The following NEDD9 variants were observed in gnomAD, a reference collection of about 807,000 sequenced individuals.
The protein encoded by NEDD9 is enhancer of filamentation 1.
NEDD9 carries 26 observed loss-of-function variants against 76.6 expected under a neutral mutation model. The ratio of observed to expected loss-of-function variants is 0.34; its 90% CI spans 0.25 to 0.47. NEDD9 has a LOEUF of 0.47. Ranked by LOEUF, NEDD9 falls within the 20% of genes least tolerant of loss-of-function variation. NEDD9 has a pLI of 1.00. For missense variants in NEDD9, 937 were observed against 1,058.5 expected, an observed-to-expected ratio of 0.89 and a Z score of 1.59; for synonymous variants, 392 against 414.2, an observed-to-expected ratio of 0.95 and a Z score of 0.65.
intron 1 of NEDD9, among the ~76,000 whole-genome samples, chr6:11,229,550 C>T (rs552867707): frequency 6.6e-6 from 1 of 152,082 alleles, no homozygotes; most frequent in South Asian, 2.1e-4. Flanking sequence ...GGTAAGCAAA[C>T]CAAGGCCATC....
chr6:11,282,066 T>C (rs1263701504), intron 3 of NEDD9, among the ~76,000 whole-genome samples: 1 of 152,220 alleles, frequency 6.6e-6, no homozygotes, highest in Non-Finnish European at 1.5e-5. Context: ...CAGAGAATTA[T>C]ATTATGTGAC....
At chr6:11,208,177 C>CA (rs201241404) in intron 2 of NEDD9, among the ~76,000 whole-genome samples, 902 of 63,772 alleles carry the variant, frequency 0.014, 10 homozygotes, top group East Asian at 0.1. Context: ...GACCCTGACT[C>CA]AAAAAAAAAA....
intron 4 of NEDD9, 66 bp downstream of exon 4, chr6:11,192,279 C>CT: frequency 2.7e-6 from 1 of 364,636 alleles, no homozygotes; most frequent in South Asian, 2.6e-5. Flanking sequence ...CCTCCCAACC[C>CT]TGCACCCCCC....
At position 11,213,163 on chromosome 6, in the gene NEDD9, G is replaced by T; in HGVS notation, c.459+118C>A. The stretch of plus-strand genomic sequence containing the variant: ...AACATGATGCCTGAGCTAAGGTATT[G>T]GTTATATCTACTTCTTGGCAGCTTC... On this transcript the variant is annotated intron_variant, in intron 2 of 6. Transcript: ENST00000379446. The surrounding 1 kb of genome is among the most constrained non-coding windows in gnomAD (Gnocchi z 5.4). 3 of 930,748 alleles carry T rather than the reference G, an allele frequency of 3.2e-6. No homozygotes were observed. Among genetic ancestry groups the T allele is most frequent in the African/African-American group, 1.7e-5 (1 of 60,064 alleles). The allele number at this position is 930,748 out of a possible 1,614,324, so 57.7% of individuals were successfully genotyped here.
chr6:11,345,119 G>C (rs1426659321), intron 1 of NEDD9, among the ~76,000 whole-genome samples: 1 of 152,136 alleles, frequency 6.6e-6, no homozygotes, highest in African/African-American at 2.4e-5. Flanking sequence ...GGGTGAGGCA[G>C]GATGAGAAGG....
At chr6:11,232,474 C>G (rs56346738) in intron 1 of NEDD9, 30 bp downstream of exon 1, 2 of 1,614,078 alleles carry the variant, frequency 1.2e-6, no homozygotes, top group Non-Finnish European at 1.7e-6. Context: ...TTTCAGCTTG[C>G]AAGGTAACCT....
intron 3 of NEDD9, among the ~76,000 whole-genome samples, chr6:11,281,744 TA>T (rs1760542183): frequency 6.6e-6 from 1 of 152,298 alleles, no homozygotes; most frequent in African/African-American, 2.4e-5. Context: ...ACTCTTTTTT[TA>T]TATATTTTTA....
chr6:11,261,619 T>G (rs1383472041), intron 3 of NEDD9, among the ~76,000 whole-genome samples: 2 of 152,232 alleles, frequency 1.3e-5, no homozygotes, highest in African/African-American at 4.8e-5. Context: ...TGTTATAAAC[T>G]ATACCAAGTT....
chr6:11,243,021 A>G (rs974408299), intron 3 of NEDD9, among the ~76,000 whole-genome samples: 4 of 152,218 alleles, frequency 2.6e-5, no homozygotes, highest in Non-Finnish European at 5.9e-5. Context: ...GAGCTATCAA[A>G]ATACTCCAGA....
chr6:11,339,010 G>A (rs1217598657), intron 1 of NEDD9, among the ~76,000 whole-genome samples: 2 of 150,258 alleles, frequency 1.3e-5, no homozygotes, highest in Non-Finnish European at 3.0e-5. Context: ...AAAACTATCT[G>A]GATCTAGGTG....
At position 11,198,544 on chromosome 6, in the gene NEDD9, C is replaced by A. The variant is rs1381312946; in HGVS notation, c.460-4852G>T. On this transcript the variant is annotated intron_variant, in intron 2 of 6. Coordinates refer to ENST00000379446, the MANE Select transcript of NEDD9 (RefSeq NM_006403.4). This position sits in a 1 kb window ranked among gnomAD's most constrained non-coding sequence, Gnocchi z 4.7. ...TCCCAAACAGATAATATGTCTCTATCCTTGGAACTCCCTGAGCCAGTGATC... is the reference window on the plus strand; with the variant it reads ...TCCCAAACAGATAATATGTCTCTATACTTGGAACTCCCTGAGCCAGTGATC... 1.3e-5 allele frequency: 2 copies of A among 152,108 alleles called. No homozygotes were observed. Among genetic ancestry groups the A allele is most frequent in the Non-Finnish European group, 2.9e-5 (2 of 68,034 alleles). The allele number at this position is 152,108 out of a possible 1,614,324, so 9.4% of individuals were successfully genotyped here.
intron 3 of NEDD9, chr6:11,271,406 A>G (rs567972045): frequency 6.6e-6 from 1 of 152,378 alleles, no homozygotes; most frequent in East Asian, 1.9e-4. Flanking sequence ...CTGCTCAGGC[A>G]GTGTGAAGCT....
intron 1 of NEDD9, among the ~76,000 whole-genome samples, chr6:11,348,636 T>C (rs1284707892): frequency 2.6e-5 from 4 of 152,166 alleles, no homozygotes; most frequent in Admixed American, 1.3e-4. Context: ...CCTACAATCA[T>C]CTGATCTTTG....
Position 11,185,539 on chromosome 6 carries a change from A to G in NEDD9, c.2128T>C (p.Phe710Leu). 6.2e-7 allele frequency: 1 copy of G among 1,614,242 alleles called. No individual in the cohort carries two copies. The highest frequency in any genetic ancestry group is 1.1e-5 in the South Asian group (1 of 91,086). ...VSAQDRQLLC[F>L]YYDQCETHFI... ...TGGGTCTCACATTGGTCATAGTAGA[A>G]GCACAGCAACTGCCGATCCTGAGCA... Residue 710 changes from phenylalanine (F) to leucine (L), a missense_variant, in exon 7 of 7, where the codon TTC (phenylalanine) becomes CTC (leucine). Transcript: ENST00000379446.
chr6:11,336,372 T>C (rs183008936), intron 1 of NEDD9, among the ~76,000 whole-genome samples: 1 of 152,366 alleles, frequency 6.6e-6, no homozygotes, highest in Admixed American at 6.5e-5. Context: ...TTATTTGGTC[T>C]AGCCTATTGC....
intron 3 of NEDD9, among the ~76,000 whole-genome samples, chr6:11,267,831 G>C (rs942728036): frequency 2.0e-5 from 3 of 151,972 alleles, no homozygotes; most frequent in Non-Finnish European, 4.4e-5. Context: ...TTATATCTAA[G>C]GCTTATAATA....
At chr6:11,224,576 C>T (rs910866112) in intron 1 of NEDD9, among the ~76,000 whole-genome samples, 1 of 151,994 alleles carries the variant, frequency 6.6e-6, no homozygotes, top group Admixed American at 6.5e-5. Context: ...GCCAAACTCT[C>T]AGTCATGCCA....
intron 3 of NEDD9, among the ~76,000 whole-genome samples, chr6:11,249,559 T>C (rs1226885756): frequency 6.6e-6 from 1 of 152,102 alleles, no homozygotes; most frequent in Non-Finnish European, 1.5e-5. Context: ...CTTGGTCACA[T>C]GGTCACAGCT....
At chr6:11,367,545 C>G (rs1442452372) in intron 1 of NEDD9, among the ~76,000 whole-genome samples, 1 of 152,220 alleles carries the variant, frequency 6.6e-6, no homozygotes, top group Non-Finnish European at 1.5e-5. Context: ...CTATCAGAGT[C>G]AGATCTATCT....
Sources: allele counts gnomAD v4.1 joint callset (sites outside exome capture counted in the v4.1 genomes callset), GRCh38; gene constraint gnomAD v4.1.1; non-coding constraint Gnocchi (gnomAD v3.1); transcripts MANE v1.5; gene names NCBI Gene and HGNC (gene_info 2026-07-23, HGNC 2026-07-21).